The following CCDC186 variants were observed in gnomAD, a reference collection of about 807,000 sequenced individuals.
CCDC186 encodes the protein coiled-coil domain containing 186.
CCDC186 carries 49 observed loss-of-function variants against 113.7 expected under a neutral mutation model. The ratio of observed to expected loss-of-function variants is 0.43; its 90% confidence interval spans 0.34 to 0.55. The LOEUF (loss-of-function observed/expected upper bound fraction) is 0.55. Ranked by LOEUF, CCDC186 falls within the 20% of genes least tolerant of loss-of-function variation. The pLI is 0.02. For missense variants in CCDC186, 890 were observed against 1,011.1 expected (o/e 0.88, Z 1.62); for synonymous variants, 355 against 345.8 (o/e 1.03, Z -0.30).
intron 1 of CCDC186, among the ~76,000 whole-genome samples, chr10:114,171,324 C>T (rs1271591958): frequency 1.3e-5 from 2 of 151,732 alleles, no homozygotes; most frequent in East Asian, 3.9e-4. Context: ...TCAAATGAGG[C>T]CAGGAATTAA....
At chr10:114,162,603 G>A (rs2032205886) in intron 2 of CCDC186, 34 bp downstream of exon 2, 3 of 1,428,694 alleles carry the variant, frequency 2.1e-6, no homozygotes, top group Admixed American at 2.8e-5. Flanking sequence ...GCCTGTGAGG[G>A]AAAAAAAATA....
Position 114,145,544 on chromosome 10 carries a change from T to TATAC in CCDC186, c.1101+1_1101+4dup. ...TCAACATATTTCAAATGGCACAAGT[T>TATAC]ATACCTTAGTTTCATACAGCTGGTG... On this transcript the variant is annotated splice_donor_region_variant and intron_variant, in intron 5 of 15. Coordinates refer to ENST00000369287, the MANE Select transcript of CCDC186 (RefSeq NM_018017.4). 6.3e-7 allele frequency: 1 copy of TATAC among 1,593,346 alleles called. No individual in the cohort carries two copies.
chr10:114,164,827 AAGAG>A (rs1011902145), intron 1 of CCDC186, among the ~76,000 whole-genome samples: 28 of 152,334 alleles, frequency 1.8e-4, no homozygotes, highest in Non-Finnish European at 3.7e-4. Flanking sequence ...GGATGATGAA[AAGAG>A]AGAGAGAAGA....
rs1365195160 is a variant in CCDC186, at chr10:114,125,181, G to A, written c.2659C>T (p.His887Tyr). Residue 887 changes from histidine (H) to tyrosine (Y), a missense_variant, in exon 16 of 16, where the codon CAC becomes TAC. His to Tyr is a moderately conservative substitution (Grantham distance 83, BLOSUM62 2). Transcript: ENST00000369287. ...GTCCTCTGTTCTAGTTCATGCTGGT[G>A]TTTAATAAGACGTTCTATTTCTGTT... ...LGTEIERLIK[H>Y]QHELEQRTKK... 1.2e-6 allele frequency: 2 copies of A among 1,610,192 alleles called. No homozygotes were observed. Among genetic ancestry groups the A allele is most frequent in the Non-Finnish European group, 8.5e-7 (1 of 1,178,216 alleles).
At chr10:114,132,672 T>C (rs1323285492) in intron 10 of CCDC186, among the ~76,000 whole-genome samples, 1 of 152,060 alleles carries the variant, frequency 6.6e-6, no homozygotes, top group Non-Finnish European at 1.5e-5. Flanking sequence ...CTAAAAGAGG[T>C]AGTGGGCTGG....
Position 114,173,285 on chromosome 10 carries a change from G to C in CCDC186, c.-62+730C>G, listed in dbSNP as rs1002012459. The C allele has an allele frequency of 1.1e-5, 5 of 450,444 alleles. 1 individual carries two copies. Among genetic ancestry groups the C allele is most frequent in the South Asian group, 4.7e-5 (3 of 64,004 alleles). The allele number at this position is 450,444 out of a possible 1,614,324, so 27.9% of individuals were successfully genotyped here. A position where few individuals can be genotyped will look rare whatever the true frequency, so the allele number is the denominator to read the frequency against. On this transcript the variant is annotated intron_variant, in intron 1 of 15. Transcript: ENST00000369287. ...TTTCCTCTAAACAAAATCAAGATGG[G>C]AATATTAGGTGAAGTTGTTAAACTG...
At chr10:114,137,968 CGG>C (rs2031322429) in intron 6 of CCDC186, among the ~76,000 whole-genome samples, 1 of 132,940 alleles carries the variant, frequency 7.5e-6, no homozygotes. Context: ...ACCCAGGAGG[CGG>C]AGGTTGCGGT....
Position 114,146,727 on chromosome 10 carries a change from A to G in CCDC186, c.889-966T>C, listed in dbSNP as rs562068069. Among the ~76,000 whole-genome samples, 6 of 152,346 alleles carry G rather than the reference A, an allele frequency of 3.9e-5. No individual in the cohort carries two copies. The South Asian group carries it at 1.2e-3, about 32-fold the overall frequency. On this transcript the variant is annotated intron_variant, in intron 4 of 15. Transcript: ENST00000369287. The stretch of plus-strand genomic sequence containing the variant: ...ACACATTTAATTTACAAAAGATAGA[A>G]CTTCAAACTTTAGGAATTTTCAATA...
intron 1 of CCDC186, among the ~76,000 whole-genome samples, chr10:114,171,894 GTA>G (rs1212807376): frequency 6.6e-6 from 1 of 152,138 alleles, no homozygotes. Flanking sequence ...CTTCATCTCA[GTA>G]TTTTTCCTTT....
chr10:114,161,716 GT>G, intron 2 of CCDC186: 1 of 152,286 alleles, frequency 6.6e-6, no homozygotes. Flanking sequence ...GGGCCTTGGA[GT>G]CTTGAAGAGA....
chr10:114,155,262 C>T (rs564609689), intron 3 of CCDC186, among the ~76,000 whole-genome samples: 8 of 152,140 alleles, frequency 5.3e-5, no homozygotes, highest in Non-Finnish European at 4.4e-5. Flanking sequence ...TGAAAAAGAC[C>T]TAAATCTTAT....
chr10:114,142,895 T>C (rs1477118071), intron 6 of CCDC186, among the ~76,000 whole-genome samples: 1 of 152,174 alleles, frequency 6.6e-6, no homozygotes, highest in Non-Finnish European at 1.5e-5. Flanking sequence ...TTAAATCTTG[T>C]ATCCTTTGAT....
In CCDC186 at chr10:114,121,668, T is replaced by A. The variant is rs2119654449; in HGVS notation, c.*3475A>T. 1 of 152,322 alleles carries A rather than the reference T, an allele frequency of 6.6e-6. No homozygotes were observed. Among genetic ancestry groups the A allele is most frequent in the East Asian group, 1.9e-4 (1 of 5,182 alleles). 9.4% of individuals were successfully genotyped at this position (152,322 alleles called of 1,614,324 possible). A position where few individuals can be genotyped will look rare whatever the true frequency, so the allele number is the denominator to read the frequency against. On this transcript the variant is annotated 3_prime_UTR_variant, in exon 16 of 16. Transcript: ENST00000369287. ...TGCTTTCAGCGTACCTTTGCAAGGA[T>A]GTTCCAAAGCCTCATGTACGAGTGA...
At chr10:114,151,888 A>C (rs552725958) in intron 3 of CCDC186, among the ~76,000 whole-genome samples, 1 of 152,348 alleles carries the variant, frequency 6.6e-6, no homozygotes, top group Non-Finnish European at 1.5e-5. Flanking sequence ...TGAAATGGTG[A>C]CTTGAAAGAA....
chr10:114,146,317 T>A (rs2031639507), intron 4 of CCDC186, among the ~76,000 whole-genome samples: 1 of 152,212 alleles, frequency 6.6e-6, no homozygotes, highest in Non-Finnish European at 1.5e-5. Context: ...CATCTTCCCT[T>A]TTTGGGATCC....
chr10:114,150,561 G>A (rs563536841), intron 4 of CCDC186, among the ~76,000 whole-genome samples: 1 of 152,070 alleles, frequency 6.6e-6, no homozygotes, highest in South Asian at 2.1e-4. Context: ...GGCAGGGGAA[G>A]AATATGTACA....
intron 1 of CCDC186, among the ~76,000 whole-genome samples, chr10:114,166,477 A>C (rs1307996159): frequency 6.6e-6 from 1 of 152,238 alleles, no homozygotes; most frequent in Non-Finnish European, 1.5e-5. Context: ...TACACTCATC[A>C]AGCACATAGA....
chr10:114,159,164 G>C (rs1345827434), intron 2 of CCDC186, among the ~76,000 whole-genome samples: 1 of 152,140 alleles, frequency 6.6e-6, no homozygotes, highest in Non-Finnish European at 1.5e-5. Context: ...GCAAATATAT[G>C]CATGTTTATT....
At position 114,134,878 on chromosome 10, in the gene CCDC186, C is replaced by T. The variant is rs375323870; in HGVS notation, c.1655+35G>A. On this transcript the variant is annotated intron_variant, in intron 10 of 15. Transcript: ENST00000369287. ...TCTTGAAATAAAATTTAAAAGCTTG[C>T]TTATTAATACAAACAGAAGTTGCTC... is the stretch of plus-strand genomic sequence containing the variant. 326 of 1,558,784 alleles carry T rather than the reference C, an allele frequency of 2.1e-4. 1 individual carries two copies. Among genetic ancestry groups the T allele is most frequent in the Non-Finnish European group, 2.7e-4 (314 of 1,163,554 alleles).
Sources: gnomAD v4.1 joint callset for allele counts (sites outside exome capture counted in the v4.1 genomes callset) on GRCh38, gnomAD v4.1.1 for gene constraint, MANE v1.5 for transcripts, NCBI Gene and HGNC (gene_info 2026-07-23, HGNC 2026-07-21) for gene names.